The following LRRC45 variants were observed in gnomAD, a reference collection of about 807,000 sequenced individuals.
The protein encoded by LRRC45 is leucine-rich repeat-containing protein 45.
Under a neutral mutation model 85.4 loss-of-function variants are expected in LRRC45, and 73 were observed. That is an observed-to-expected ratio of 0.85 (90% confidence interval 0.71 to 1.04). The LOEUF (loss-of-function observed/expected upper bound fraction) is 1.04, where lower values mean the gene tolerates loss of function less well. Ranked by LOEUF, LRRC45 falls within the 50% of genes least tolerant of loss-of-function variation. The pLI is 0.00. For missense variants in LRRC45, 937 were observed against 883.3 expected (o/e 1.06, Z -0.77); for synonymous variants, 429 against 386.0 (o/e 1.11, Z -1.31).
At position 82,030,986 on chromosome 17, in the gene LRRC45, G is replaced by A; in HGVS notation, c.*181G>A. The A allele has an allele frequency of 2.3e-6, 1 of 427,280 alleles. No individual in the cohort carries two copies. Among genetic ancestry groups the A allele is most frequent in the South Asian group, 1.3e-4 (1 of 7,946 alleles). The allele number at this position is 427,280 out of a possible 1,614,324, so 26.5% of individuals were successfully genotyped here. On this transcript the variant is annotated 3_prime_UTR_variant, in exon 17 of 17. Transcript: ENST00000306688. The stretch of plus-strand genomic sequence containing the variant: ...GAACCCCGTGGGAGGCGCCTGGGAA[G>A]GGCTCCCTACCGGCCCCTTCTTCCC...
Position 82,028,454 on chromosome 17 carries a change from C to T in LRRC45, c.1183C>T (p.Gln395Ter). 1 of 1,612,712 alleles carries T rather than the reference C, an allele frequency of 6.2e-7. No individual in the cohort carries two copies. The highest frequency in any genetic ancestry group is 8.5e-7 in the Non-Finnish European group (1 of 1,179,954). ...CQQEQLFQTR[Q>*]EMTSMSAELK... ...GCAGGAGCAGCTGTTCCAGACCAGG[C>T]AGGAGATGACCAGCATGTCAGCTGA... The change falls in exon 11 of 17, where the codon CAG becomes TAG. Residue 395 changes from glutamine to a stop codon, truncating the protein, a stop_gained. Transcript: ENST00000306688. LOFTEE classifies it high-confidence loss of function.
At chr17:82,025,629 G>A in intron 5 of LRRC45, 122 bp downstream of exon 5, 1 of 1,277,386 alleles carries the variant, frequency 7.8e-7, no homozygotes, top group Non-Finnish European at 1.0e-6. Flanking sequence ...CCCAGGGGAA[G>A]CAGGAAGGAG....
chr17:82,029,220 T>C, intron 13 of LRRC45, 35 bp downstream of exon 13: 1 of 1,588,962 alleles, frequency 6.3e-7, no homozygotes, highest in South Asian at 1.1e-5. Context: ...AGCTCTGCCT[T>C]AGTCCTGGGC....
chr17:82,027,616 G>C, intron 7 of LRRC45, 58 bp from the exon 8 acceptor site: 2 of 1,560,006 alleles, frequency 1.3e-6, no homozygotes, highest in Non-Finnish European at 1.8e-6. Flanking sequence ...GAGGCCAGAG[G>C]GGTATGGGAG....
Position 82,025,443 on chromosome 17 carries a change from C to T in LRRC45, c.597C>T (p.Asn199=), listed in dbSNP as rs201220781. ...GRALMNCLPS[N]RTLWRLDLAG... ...CCCTCATGAACTGTCTCCCCAGCAACAGAACCCTGTGGAGACTGGACCTGG... is the reference window on the plus strand; with the variant it reads ...CCCTCATGAACTGTCTCCCCAGCAATAGAACCCTGTGGAGACTGGACCTGG... Residue 199 remains asparagine, a synonymous_variant, in exon 5 of 17, where the codon AAC becomes AAT. Transcript: ENST00000306688. The T allele has an allele frequency of 1.2e-6, 2 of 1,609,480 alleles. No individual in the cohort carries two copies. The highest frequency in any genetic ancestry group is 2.2e-5 in the East Asian group (1 of 44,818).
In LRRC45 at chr17:82,025,412, G is replaced by A. The variant is rs1325479831; in HGVS notation, c.566G>A (p.Gly189Asp). The change falls in exon 5 of 17, where the codon GGC (glycine) becomes GAC (aspartate). Residue 189 changes from glycine to aspartate, a missense_variant. Coordinates refer to ENST00000306688, the MANE Select transcript of LRRC45 (RefSeq NM_144999.4). ...LRWNNVGLLG[G>D]RALMNCLPSN... ...TGGAATAACGTTGGCCTCCTGGGGGGCCGGGCCCTCATGAACTGTCTCCCC... is the reference window on the plus strand; with the variant it reads ...TGGAATAACGTTGGCCTCCTGGGGGACCGGGCCCTCATGAACTGTCTCCCC... The A allele has an allele frequency of 1.2e-6, 2 of 1,600,830 alleles. No individual in the cohort carries two copies. The highest frequency in any genetic ancestry group is 1.7e-6 in the Non-Finnish European group (2 of 1,173,146).
intron 3 of LRRC45, 78 bp downstream of exon 3, chr17:82,024,841 A>G: frequency 6.7e-7 from 1 of 1,481,956 alleles, no homozygotes; most frequent in Non-Finnish European, 9.0e-7. Context: ...CTGCAGCCCA[A>G]GAGTTCCCCA....
intron 3 of LRRC45, 106 bp from the exon 4 acceptor site, chr17:82,024,894 A>G: frequency 7.0e-7 from 1 of 1,438,650 alleles, no homozygotes; most frequent in Non-Finnish European, 9.2e-7. Flanking sequence ...AGGGGTAGGC[A>G]GAGGCTCCGG....
chr17:82,030,562 A>G (rs1173025507), intron 16 of LRRC45, 47 bp from the exon 17 acceptor site: 1 of 1,476,434 alleles, frequency 6.8e-7, no homozygotes, highest in South Asian at 1.3e-5. Context: ...AGGCCGTGCC[A>G]CGGTGCGCTG....
chr17:82,024,227 G>T, intron 1 of LRRC45, 51 bp from the exon 2 acceptor site: 2 of 1,593,430 alleles, frequency 1.3e-6, no homozygotes, highest in Non-Finnish European at 1.7e-6. Context: ...CCACGGGGAG[G>T]GCCTTGGGGT....
chr17:82,027,405 C>T lies in LRRC45; in HGVS notation c.794C>T (p.Thr265Ile), dbSNP rs1316268138. The change falls in exon 7 of 17, where the codon ACT (threonine) becomes ATT (isoleucine). Residue 265 changes from threonine to isoleucine, a missense_variant. Transcript: ENST00000306688. ...CCCCAGTTCCTCGACTTGATGGAGACTATTGATAAGCAGCGAGAAGAGATG... is the reference window on the plus strand; with the variant it reads ...CCCCAGTTCCTCGACTTGATGGAGATTATTGATAAGCAGCGAGAAGAGATG... ...KSKQFLDLMETIDKQREEMAK... is the reference protein window; with the variant it reads ...KSKQFLDLMEIIDKQREEMAK... The T allele has an allele frequency of 6.2e-7, 1 of 1,612,714 alleles. No homozygotes were observed. Among genetic ancestry groups the T allele is most frequent in the South Asian group, 1.1e-5 (1 of 91,086 alleles).
At position 82,030,310 on chromosome 17, in the gene LRRC45, G is replaced by T. The variant is rs1340002113; in HGVS notation, c.1669-9G>T. 2 of 1,547,806 alleles carry T rather than the reference G, an allele frequency of 1.3e-6. No individual in the cohort carries two copies. Among genetic ancestry groups the T allele is most frequent in the Non-Finnish European group, 1.7e-6 (2 of 1,145,370 alleles). On this transcript the variant is annotated splice_polypyrimidine_tract_variant and intron_variant, in intron 15 of 16. Transcript: ENST00000306688. Reference sequence around the variant, plus strand: ...CCTCGCCTCACTCCCCAGCCTTCGTGCCTGGCAGGAGCTGAGCCTCAAGGA... The same window carrying T: ...CCTCGCCTCACTCCCCAGCCTTCGTTCCTGGCAGGAGCTGAGCCTCAAGGA...
chr17:82,026,824 C>A, intron 5 of LRRC45, 75 bp from the exon 6 acceptor site: 2 of 1,203,938 alleles, frequency 1.7e-6, no homozygotes, highest in Admixed American at 2.0e-5. Flanking sequence ...AGGTGATCCA[C>A]CCACCTCGAC....
At chr17:82,026,387 C>G (rs1468233870) in intron 5 of LRRC45, among the ~76,000 whole-genome samples, 7 of 152,168 alleles carry the variant, frequency 4.6e-5, no homozygotes. Context: ...GGCTCTTGCT[C>G]ACAGCCCGAA....
chr17:82,025,297 G>A, intron 4 of LRRC45, 82 bp from the exon 5 acceptor site: 1 of 1,524,970 alleles, frequency 6.6e-7, no homozygotes, highest in Non-Finnish European at 8.8e-7. Flanking sequence ...GCAAGGCAGT[G>A]CCCCCTAGGG....
rs776047790 is a variant in LRRC45, at chr17:82,025,449, C to G, written c.603C>G (p.Thr201=). The change falls in exon 5 of 17, where the codon ACC becomes ACG. Residue 201 remains threonine, a synonymous_variant. Coordinates refer to ENST00000306688, the MANE Select transcript of LRRC45 (RefSeq NM_144999.4). ...ALMNCLPSNR[T]LWRLDLAGNN... is the part of the protein sequence containing the mutation. ...TGAACTGTCTCCCCAGCAACAGAACCCTGTGGAGACTGGACCTGGCTGGGA... is the reference window on the plus strand; with the variant it reads ...TGAACTGTCTCCCCAGCAACAGAACGCTGTGGAGACTGGACCTGGCTGGGA... 7 of 1,609,978 alleles carry G rather than the reference C, an allele frequency of 4.3e-6. No individual in the cohort carries two copies. The highest frequency in any genetic ancestry group is 5.9e-6 in the Non-Finnish European group (7 of 1,178,384).
At position 82,031,017 on chromosome 17, in the gene LRRC45, A is replaced by G; in HGVS notation, c.*212A>G. ...CCTACCGGCCCCTTCTTCCCGGTCG[A>G]CGCCACGTGGGAGCACACCGGGAAG... On this transcript the variant is annotated 3_prime_UTR_variant, in exon 17 of 17. Coordinates refer to ENST00000306688, the MANE Select transcript of LRRC45 (RefSeq NM_144999.4). 5.0e-6 allele frequency: 2 copies of G among 399,288 alleles called. No homozygotes were observed. The highest frequency in any genetic ancestry group is 8.8e-6 in the Non-Finnish European group (2 of 228,150). 24.7% of individuals were successfully genotyped at this position (399,288 alleles called of 1,614,324 possible). A position where few individuals can be genotyped will look rare whatever the true frequency, so the allele number is the denominator to read the frequency against.
Position 82,024,780 on chromosome 17 carries a change from A to G in LRRC45, c.353+17A>G, listed in dbSNP as rs1301590771. On this transcript the variant is annotated intron_variant, in intron 3 of 16. Coordinates refer to ENST00000306688, the MANE Select transcript of LRRC45 (RefSeq NM_144999.4). ...CATTCAGAGGTGGGTGGTGGTCCCG[A>G]CCCCAGGCCCTGTCTCTGTGTGGTT... 2 of 1,567,162 alleles carry G rather than the reference A, an allele frequency of 1.3e-6. No individual in the cohort carries two copies. The highest frequency in any genetic ancestry group is 2.8e-5 in the African/African-American group (2 of 72,406).
rs1169344048 is a variant in LRRC45, at chr17:82,024,817, C to G, written c.353+54C>G. On this transcript the variant is annotated intron_variant, in intron 3 of 16. Coordinates refer to ENST00000306688, the MANE Select transcript of LRRC45 (RefSeq NM_144999.4). Reference sequence around the variant, plus strand: ...GTCTCTGTGTGGTTGAGGATTGGCCCCGAGCACATGCTTCTGCAGCCCAAG... The same window carrying G: ...GTCTCTGTGTGGTTGAGGATTGGCCGCGAGCACATGCTTCTGCAGCCCAAG... The G allele has an allele frequency of 6.5e-6, 10 of 1,533,168 alleles. No individual in the cohort carries two copies. In the Admixed American group the frequency reaches 6.7e-5, roughly 10 times the overall value. The allele number at this position is 1,533,168 out of a possible 1,614,324, so 95.0% of individuals were successfully genotyped here.
Sources: gnomAD v4.1 joint callset for allele counts (sites outside exome capture counted in the v4.1 genomes callset) on GRCh38, gnomAD v4.1.1 for gene constraint, MANE v1.5 for transcripts, NCBI Gene and HGNC (gene_info 2026-07-23, HGNC 2026-07-21) for gene names.